The following RAP1GAP2 variants were observed in gnomAD, a reference collection of about 807,000 sequenced individuals.
RAP1GAP2 encodes RAP1 GTPase activating protein 2.
Under a neutral mutation model 95.0 loss-of-function variants are expected in RAP1GAP2, and 27 were observed. The observed-to-expected ratio is 0.28, with a 90% confidence interval of 0.21 to 0.39. RAP1GAP2 has a LOEUF of 0.39. RAP1GAP2 is among the 10% of genes least tolerant of loss of function. The pLI, the probability that RAP1GAP2 is intolerant of heterozygous loss-of-function variation, is 1.00. For missense variants in RAP1GAP2, 771 were observed against 970.0 expected, an observed-to-expected ratio of 0.79 and a Z score of 2.72; for synonymous variants, 373 against 380.9, an observed-to-expected ratio of 0.98 and a Z score of 0.24.
At chr17:2,757,256 C>T (rs1208301687) in intron 1 of RAP1GAP2, among the ~76,000 whole-genome samples, 2 of 152,128 alleles carry the variant, frequency 1.3e-5, no homozygotes, top group Non-Finnish European at 2.9e-5. Context: ...GTAGCTGGGA[C>T]TGCAGGCATG....
intron 2 of RAP1GAP2, among the ~76,000 whole-genome samples, chr17:2,894,386 C>G (rs1375685399): frequency 6.6e-6 from 1 of 152,166 alleles, no homozygotes; most frequent in Non-Finnish European, 1.5e-5. Context: ...GCCAAGATCG[C>G]GCCACTGCTC....
Position 2,963,283 on chromosome 17 carries a change from AGAGCTGATTCT to A in RAP1GAP2, c.247-140_247-130del, listed in dbSNP as rs1302270537. On this transcript the variant is annotated intron_variant, in intron 5 of 24. Transcript: ENST00000254695. The surrounding 1 kb of genome is among the most constrained non-coding windows in gnomAD (Gnocchi z 4.8). The stretch of plus-strand genomic sequence containing the variant: ...AAGAACATGGGGGATGTTAGATTCC[AGAGCTGATTCT>A]GAGCTGTTCTTCCATCGAATGTTCC... The A allele has an allele frequency of 7.8e-6, 7 of 898,646 alleles. No homozygotes were observed. In the Admixed American group the frequency reaches 1.3e-4, roughly 17 times the overall value. 55.7% of individuals were successfully genotyped at this position (898,646 alleles called of 1,614,324 possible). A position where few individuals can be genotyped will look rare whatever the true frequency, so the allele number is the denominator to read the frequency against.
intron 1 of RAP1GAP2, among the ~76,000 whole-genome samples, chr17:2,768,490 C>G (rs1383495396): frequency 1.3e-5 from 2 of 151,730 alleles, no homozygotes; most frequent in African/African-American, 2.4e-5. Context: ...TCAGCAGTTC[C>G]AGACCAGCCT....
chr17:2,891,096 A>T (rs1410735761), intron 2 of RAP1GAP2, among the ~76,000 whole-genome samples: 1 of 151,798 alleles, frequency 6.6e-6, no homozygotes, highest in African/African-American at 2.4e-5. Flanking sequence ...GTTAATGATT[A>T]ACTCCTGTTT....
intron 2 of RAP1GAP2, among the ~76,000 whole-genome samples, chr17:2,861,961 G>T (rs1014882160): frequency 3.9e-5 from 6 of 152,116 alleles, no homozygotes; most frequent in Non-Finnish European, 7.4e-5. Context: ...TGGCTCCCTG[G>T]GGCCCTTTTA....
intron 3 of RAP1GAP2, among the ~76,000 whole-genome samples, chr17:2,945,083 G>A (rs1202610697): frequency 6.6e-6 from 1 of 152,030 alleles, no homozygotes; most frequent in African/African-American, 2.4e-5. Flanking sequence ...CACTGTGTTA[G>A]CCAGGATGGC....
chr17:2,977,137 A>G (rs970283780), intron 8 of RAP1GAP2, among the ~76,000 whole-genome samples: 1 of 151,440 alleles, frequency 6.6e-6, no homozygotes, highest in African/African-American at 2.4e-5. Flanking sequence ...AAAAAAAAAA[A>G]GAAAAAAAGA....
rs1555575129 is a variant in RAP1GAP2, at chr17:2,950,061, C to CTTCTTTTTTT, written c.166-7696_166-7695insCTTTTTTTTT. Among the ~76,000 whole-genome samples the CTTCTTTTTTT allele has an allele frequency of 4.5e-3, 638 of 141,278 alleles. 1 individual carries two copies. The highest frequency in any genetic ancestry group is 0.016 in the African/African-American group (609 of 37,154). The allele number at this position is 141,278 out of a possible 152,430, so 92.7% of individuals were successfully genotyped here. A position where few individuals can be genotyped will look rare whatever the true frequency, so the allele number is the denominator to read the frequency against. ...TTCTTTTCTTCTTCTTCTTCTTCTT[C>CTTCTTTTTTT]TTTTTTTTTTGAGATGGAGTCTTGC... On this transcript the variant is annotated intron_variant, in intron 3 of 24. Coordinates refer to ENST00000254695, the MANE Select transcript of RAP1GAP2 (RefSeq NM_015085.5).
chr17:2,922,451 G>A (rs552105988), intron 3 of RAP1GAP2, among the ~76,000 whole-genome samples: 138 of 152,290 alleles, frequency 9.1e-4, no homozygotes, highest in Non-Finnish European at 1.5e-3. Context: ...CCACCATTAC[G>A]GGGTCAGGGC....
chr17:2,982,840 T>C (rs978942699), intron 10 of RAP1GAP2, among the ~76,000 whole-genome samples: 3 of 152,290 alleles, frequency 2.0e-5, no homozygotes, highest in South Asian at 2.1e-4. Flanking sequence ...AGAGCAGCTG[T>C]ATTTTCATGT....
chr17:3,007,037 A>G (rs938937945), intron 16 of RAP1GAP2, among the ~76,000 whole-genome samples: 2 of 152,156 alleles, frequency 1.3e-5, no homozygotes, highest in East Asian at 1.9e-4. Flanking sequence ...ACCTTCTGCC[A>G]GGAGGAAAGA....
intron 2 of RAP1GAP2, among the ~76,000 whole-genome samples, chr17:2,886,259 G>A (rs184815651): frequency 6.8e-6 from 1 of 147,936 alleles, no homozygotes; most frequent in African/African-American, 2.5e-5. Flanking sequence ...TGCAACCTCC[G>A]CCTCCCAGAT....
At chr17:2,818,855 A>G (rs1170521198) in intron 2 of RAP1GAP2, among the ~76,000 whole-genome samples, 5 of 151,966 alleles carry the variant, frequency 3.3e-5, no homozygotes, top group Admixed American at 2.6e-4. Context: ...AATCTTTGAA[A>G]CTGGACTAAT....
chr17:2,775,778 A>G (rs556466013), upstream of RAP1GAP2, among the ~76,000 whole-genome samples: 4 of 152,296 alleles, frequency 2.6e-5, no homozygotes, highest in South Asian at 2.1e-4. Context: ...GATGAGACTC[A>G]AGCATCCCAA....
intron 24 of RAP1GAP2, 24 bp downstream of exon 24, chr17:3,032,473 G>A: frequency 1.9e-6 from 3 of 1,605,292 alleles, no homozygotes; most frequent in Non-Finnish European, 2.6e-6. Context: ...ATGTCCTGCT[G>A]TGGCCGTGAG....
intron 3 of RAP1GAP2, among the ~76,000 whole-genome samples, chr17:2,949,910 T>C (rs1597698708): frequency 6.6e-6 from 1 of 152,252 alleles, no homozygotes; most frequent in East Asian, 1.9e-4. Flanking sequence ...GGCTGATTTC[T>C]GCTGCTGGGC....
rs1363383154 is a variant in RAP1GAP2, at chr17:2,890,641, C to A, written c.81-14643C>A. On this transcript the variant is annotated intron_variant, in intron 2 of 24. Transcript: ENST00000254695. The stretch of plus-strand genomic sequence containing the variant: ...GACCCCTTATTACACAGTGTATCCT[C>A]CCAGTAGCACCAGTTTTTGGTCCAA... Among the ~76,000 whole-genome samples, 4 of 151,970 alleles carry A rather than the reference C, an allele frequency of 2.6e-5. No homozygotes were observed. The East Asian group carries it at 7.7e-4, about 29-fold the overall frequency.
intron 14 of RAP1GAP2, among the ~76,000 whole-genome samples, chr17:2,999,845 A>G (rs1042668910): frequency 6.6e-6 from 1 of 151,766 alleles, no homozygotes; most frequent in African/African-American, 2.4e-5. Flanking sequence ...CCCAATAGCA[A>G]CCCCCTCCTG....
intron 3 of RAP1GAP2, among the ~76,000 whole-genome samples, chr17:2,909,438 C>T (rs1051663163): frequency 1.3e-5 from 2 of 151,874 alleles, no homozygotes; most frequent in Middle Eastern, 3.4e-3. Flanking sequence ...AGGGTGTAGA[C>T]GGTACTTGTG....
Sources: gnomAD v4.1 joint callset for allele counts (sites outside exome capture counted in the v4.1 genomes callset) on GRCh38, gnomAD v4.1.1 for gene constraint, Gnocchi (gnomAD v3.1) non-coding constraint, MANE v1.5 for transcripts, NCBI Gene and HGNC (gene_info 2026-07-23, HGNC 2026-07-21) for gene names.